PCDHGA3: variants seen among roughly 807,000 people sequenced by gnomAD.
The protein encoded by PCDHGA3 is protocadherin gamma-A3.
Under a neutral mutation model 58.5 loss-of-function variants are expected in PCDHGA3, and 40 were observed. That is an observed-to-expected ratio of 0.68 (90% CI 0.53 to 0.89). The LOEUF (loss-of-function observed/expected upper bound fraction) is 0.89, where lower values mean the gene tolerates loss of function less well. PCDHGA3 is among the 40% of genes least tolerant of loss of function. PCDHGA3 has a pLI of 0.00. For missense variants in PCDHGA3, 1,223 were observed against 1,195.9 expected (o/e 1.02, Z -0.33); for synonymous variants, 530 against 525.7 (o/e 1.01, Z -0.11).
At chr5:141,403,986 C>T in intron 1 of PCDHGA3, 1 of 1,613,704 alleles carries the variant, frequency 6.2e-7, no homozygotes, top group Non-Finnish European at 8.5e-7. Context: ...GACAATAGAC[C>T]TGAAGTGACC....
chr5:141,476,977 C>T lies in PCDHGA3; in HGVS notation c.2425-17830C>T, dbSNP rs141692339. 3,083 of 1,614,232 alleles carry T rather than the reference C, an allele frequency of 1.9e-3. 52 individuals carry two copies. The African/African-American group carries it at 0.034, about 18-fold the overall frequency. Reference sequence around the variant, plus strand: ...TTATTTACTCCTTCGGCAGCCACAACCGCGCCGGCGTGCGGCAACTATTCG... The same window carrying T: ...TTATTTACTCCTTCGGCAGCCACAATCGCGCCGGCGTGCGGCAACTATTCG... On this transcript the variant is annotated intron_variant, in intron 1 of 3. Coordinates refer to ENST00000253812, the MANE Select transcript of PCDHGA3 (RefSeq NM_018916.4). This position sits in a 1 kb window ranked among gnomAD's most constrained non-coding sequence, Gnocchi z 7.6.
intron 2 of PCDHGA3, among the ~76,000 whole-genome samples, chr5:141,495,607 A>G (rs1484333463): frequency 1.3e-5 from 2 of 151,832 alleles, no homozygotes; most frequent in Admixed American, 1.3e-4. Flanking sequence ...TTCCGTCTTG[A>G]TTGCTGCACC....
At chr5:141,413,066 A>T in intron 1 of PCDHGA3, 2 of 1,161,944 alleles carry the variant, frequency 1.7e-6, no homozygotes, top group Non-Finnish European at 2.4e-6. Flanking sequence ...TCCAGAATTT[A>T]AAGTGCCCAG....
At chr5:141,402,103 A>C (rs565155809) in intron 1 of PCDHGA3, among the ~76,000 whole-genome samples, 3 of 152,336 alleles carry the variant, frequency 2.0e-5, no homozygotes, top group African/African-American at 4.8e-5. Flanking sequence ...TTAAGCAATT[A>C]CAAAAATGTG....
At chr5:141,409,761 T>C (rs1373037367) in intron 1 of PCDHGA3, 1 of 1,612,966 alleles carries the variant, frequency 6.2e-7, no homozygotes, top group African/African-American at 1.3e-5. Flanking sequence ...CAGCGCGCCT[T>C]TGATCACGAG....
chr5:141,440,077 C>T (rs983267885), intron 1 of PCDHGA3: 1 of 152,424 alleles, frequency 6.6e-6, no homozygotes, highest in Non-Finnish European at 1.5e-5. Flanking sequence ...AGGAATAATA[C>T]TTCATTCTAA....
intron 1 of PCDHGA3, among the ~76,000 whole-genome samples, chr5:141,473,033 G>A (rs1199215390): frequency 1.4e-5 from 2 of 146,282 alleles, no homozygotes. Flanking sequence ...AAGGAAGGAA[G>A]GAAAGAAAGA....
In PCDHGA3 at chr5:141,487,774, C is replaced by T. The variant is rs1272776899; in HGVS notation, c.2425-7033C>T. 2.0e-6 allele frequency: 3 copies of T among 1,534,064 alleles called. 1 individual carries two copies. The highest frequency in any genetic ancestry group is 2.6e-6 in the Non-Finnish European group (3 of 1,135,588). On this transcript the variant is annotated intron_variant, in intron 1 of 3. Transcript: ENST00000253812. The surrounding 1 kb of genome is among the most constrained non-coding windows in gnomAD (Gnocchi z 5.0). Reference sequence around the variant, plus strand: ...ATGTGGTAGACGCTGTGCTTTGTAACTGTTTCGTGAATTAACCAGAGTTGT... The same window carrying T: ...ATGTGGTAGACGCTGTGCTTTGTAATTGTTTCGTGAATTAACCAGAGTTGT...
chr5:141,476,803 T>G lies in PCDHGA3; in HGVS notation c.2425-18004T>G, dbSNP rs756358461. 3 of 1,613,688 alleles carry G rather than the reference T, an allele frequency of 1.9e-6. No individual in the cohort carries two copies. The highest frequency in any genetic ancestry group is 2.2e-5 in the South Asian group (2 of 91,092). ...CCCCAGCTCTCTCCGCCAGCCTGCCTATTCACATCAAGGTGCTGGACGCGA... is the reference window on the plus strand; with the variant it reads ...CCCCAGCTCTCTCCGCCAGCCTGCCGATTCACATCAAGGTGCTGGACGCGA... On this transcript the variant is annotated intron_variant, in intron 1 of 3. Transcript: ENST00000253812. The surrounding 1 kb of genome is among the most constrained non-coding windows in gnomAD (Gnocchi z 7.6).
rs1562137828 is a variant in PCDHGA3 at position 141,490,359 on chromosome 5, T to C, written c.2425-4448T>C. On this transcript the variant is annotated intron_variant, in intron 1 of 3. Transcript: ENST00000253812. This position sits in a 1 kb window ranked among gnomAD's most constrained non-coding sequence, Gnocchi z 5.4. ...TGGGCACAGTAGTGGGGTTGTTTAA[T>C]GTGCGAGACCGGGACTCAGGTAGAA... The C allele has an allele frequency of 1.9e-6, 3 of 1,614,212 alleles. No individual in the cohort carries two copies. The highest frequency in any genetic ancestry group is 2.5e-6 in the Non-Finnish European group (3 of 1,180,036).
chr5:141,450,310 G>A (rs1364358879), intron 1 of PCDHGA3, among the ~76,000 whole-genome samples: 1 of 151,966 alleles, frequency 6.6e-6, no homozygotes, highest in Non-Finnish European at 1.5e-5. Context: ...ACCATGTGTG[G>A]CCTAGTTGCC....
rs996170329 is a variant in PCDHGA3, at chr5:141,357,841, A to G, written c.2424+11384A>G. On this transcript the variant is annotated intron_variant, in intron 1 of 3. Transcript: ENST00000253812. ...TCCTTTTTGGTCTTCATTCAGTTGT[A>G]GTTTCAGCCAGAATTTTCTAATTTT... 4 of 626,204 alleles carry G rather than the reference A, an allele frequency of 6.4e-6. No homozygotes were observed. The African/African-American group carries it at 7.4e-5, about 12-fold the overall frequency. The allele number at this position is 626,204 out of a possible 1,614,324, so 38.8% of individuals were successfully genotyped here.
chr5:141,433,358 C>T (rs974347696), intron 1 of PCDHGA3: 20 of 503,934 alleles, frequency 4.0e-5, no homozygotes, highest in African/African-American at 3.1e-4. Flanking sequence ...CTACTGTCTG[C>T]CTATCTATCT....
chr5:141,421,535 G>A, intron 1 of PCDHGA3: 7 of 1,614,032 alleles, frequency 4.3e-6, no homozygotes, highest in East Asian at 2.2e-5. Flanking sequence ...GTGTCCTCCT[G>A]TTTTTTAAAT....
At chr5:141,451,779 G>T (rs1284464259) in intron 1 of PCDHGA3, among the ~76,000 whole-genome samples, 1 of 152,070 alleles carries the variant, frequency 6.6e-6, no homozygotes, top group Non-Finnish European at 1.5e-5. Flanking sequence ...TACTCAGGAG[G>T]CTGAGGCCAG....
chr5:141,352,297 C>G, intron 1 of PCDHGA3: 1 of 1,614,070 alleles, frequency 6.2e-7, no homozygotes, highest in South Asian at 1.1e-5. Context: ...AGCCCTCTGA[C>G]CCCCAGACGG....
rs756466649 is a variant in PCDHGA3, at chr5:141,495,663, G to A, written c.2483+798G>A. 1.1e-3 allele frequency among the ~76,000 whole-genome samples: 169 copies of A among 152,164 alleles called. 3 individuals are homozygous for A. The highest frequency in any genetic ancestry group is 1.9e-3 in the Admixed American group (29 of 15,272). ...TTGTCTACTTGCATTGATCTGTGCCGCCCACTGTGCCTGCCATGGCATAAG... is the reference window on the plus strand; with the variant it reads ...TTGTCTACTTGCATTGATCTGTGCCACCCACTGTGCCTGCCATGGCATAAG... On this transcript the variant is annotated intron_variant, in intron 2 of 3. Coordinates refer to ENST00000253812, the MANE Select transcript of PCDHGA3 (RefSeq NM_018916.4).
At chr5:141,496,602 C>T (rs981108050) in intron 2 of PCDHGA3, among the ~76,000 whole-genome samples, 1 of 152,150 alleles carries the variant, frequency 6.6e-6, no homozygotes, top group Non-Finnish European at 1.5e-5. Flanking sequence ...TCTTAGAAGG[C>T]CCCTAAAAAG....
chr5:141,352,551 T>C (rs1484372863), intron 1 of PCDHGA3: 9 of 1,613,846 alleles, frequency 5.6e-6, no homozygotes, highest in Non-Finnish European at 7.6e-6. Flanking sequence ...TTTAATTCTC[T>C]CAACCTGACA....
Sources: allele counts gnomAD v4.1 joint callset (sites outside exome capture counted in the v4.1 genomes callset), GRCh38; gene constraint gnomAD v4.1.1; non-coding constraint Gnocchi (gnomAD v3.1); transcripts MANE v1.5; gene names NCBI Gene and HGNC (gene_info 2026-07-23, HGNC 2026-07-21).